RAD51B: variants seen among roughly 807,000 people sequenced by gnomAD.
RAD51B encodes DNA repair protein RAD51 homolog 2.
RAD51B carries 38 observed loss-of-function variants against 42.2 expected under a neutral mutation model. The observed-to-expected ratio is 0.90, with a 90% CI of 0.70 to 1.18. The LOEUF is 1.18. Among genes scored for constraint, RAD51B ranks in the 50% most tolerant of loss-of-function variants. The pLI is 0.00. For synonymous variants in RAD51B, 154 were observed against 145.2 expected, an observed-to-expected ratio of 1.06 and a Z score of -0.43; for missense variants, 373 against 400.7, an observed-to-expected ratio of 0.93 and a Z score of 0.59.
At chr14:67,999,589 A>G (rs1458473133) in intron 7 of RAD51B, among the ~76,000 whole-genome samples, 6 of 152,220 alleles carry the variant, frequency 3.9e-5, no homozygotes, top group Non-Finnish European at 8.8e-5. Context: ...TTACTATTGT[A>G]TTATGCAACC....
At chr14:68,417,413 A>AATG (rs2084588770) in intron 9 of RAD51B, among the ~76,000 whole-genome samples, 1 of 152,184 alleles carries the variant, frequency 6.6e-6, no homozygotes, top group South Asian at 2.1e-4. Context: ...CTTGGGTATA[A>AATG]ATGTCTCCTC....
intron 7 of RAD51B, among the ~76,000 whole-genome samples, chr14:68,283,443 C>A (rs2081357591): frequency 6.6e-6 from 1 of 152,236 alleles, no homozygotes; most frequent in African/African-American, 2.4e-5. Flanking sequence ...GCCTTGTTCT[C>A]TTCCAGGTTC....
chr14:68,344,196 A>T (rs941397340), intron 8 of RAD51B, among the ~76,000 whole-genome samples: 3 of 152,230 alleles, frequency 2.0e-5, no homozygotes, highest in Non-Finnish European at 2.9e-5. Context: ...GGCAGCTTGT[A>T]TCCTGAGCTT....
At chr14:68,012,882 T>C (rs185159115) in intron 7 of RAD51B, among the ~76,000 whole-genome samples, 4 of 152,334 alleles carry the variant, frequency 2.6e-5, no homozygotes, top group Admixed American at 1.3e-4. Flanking sequence ...TTTAATTTTG[T>C]AAGTCTTTTA....
intron 7 of RAD51B, among the ~76,000 whole-genome samples, chr14:67,988,041 A>G (rs2075224941): frequency 6.6e-6 from 1 of 152,244 alleles, no homozygotes; most frequent in Admixed American, 6.5e-5. Context: ...TAAAAACCCA[A>G]TAACAACCAA....
chr14:68,522,864 T>G (rs554846619), intron 10 of RAD51B, among the ~76,000 whole-genome samples: 3 of 152,126 alleles, frequency 2.0e-5, no homozygotes, highest in Non-Finnish European at 4.4e-5. Context: ...TATTTTGCAT[T>G]GAAAATCAAG....
At chr14:68,146,090 G>T (rs2078243398) in intron 7 of RAD51B, among the ~76,000 whole-genome samples, 3 of 152,138 alleles carry the variant, frequency 2.0e-5, no homozygotes, top group African/African-American at 7.2e-5. Context: ...TTAACTAGTA[G>T]TGTGGGGAGG....
intron 4 of RAD51B, among the ~76,000 whole-genome samples, chr14:67,856,329 A>G (rs2041999542): frequency 6.6e-6 from 1 of 151,944 alleles, no homozygotes; most frequent in African/African-American, 2.4e-5. Flanking sequence ...ACAAGGCAAA[A>G]TGCAATGCAA....
At chr14:67,843,411 A>G (rs2041502523) in intron 4 of RAD51B, 1 of 151,658 alleles carries the variant, frequency 6.6e-6, no homozygotes, top group East Asian at 1.9e-4. Context: ...GTTTTTTGGA[A>G]CATTGTCAGT....
At chr14:68,536,065 A>G (rs1887599618) in intron 10 of RAD51B, among the ~76,000 whole-genome samples, 1 of 152,212 alleles carries the variant, frequency 6.6e-6, no homozygotes, top group Non-Finnish European at 1.5e-5. Context: ...GAAACTAGGA[A>G]GCAGGAAACA....
intron 7 of RAD51B, among the ~76,000 whole-genome samples, chr14:68,273,320 T>A (rs991372250): frequency 3.9e-5 from 6 of 152,190 alleles, no homozygotes; most frequent in Admixed American, 1.3e-4. Context: ...GCCAAAAGCC[T>A]ATTACTCTCA....
intron 10 of RAD51B, among the ~76,000 whole-genome samples, chr14:68,629,894 A>T (rs1380946411): frequency 6.6e-6 from 1 of 152,256 alleles, no homozygotes; most frequent in East Asian, 1.9e-4. Context: ...AACTTTGCAA[A>T]TGAAGGAACT....
chr14:68,623,274 T>C (rs941368146), intron 10 of RAD51B, among the ~76,000 whole-genome samples: 4 of 152,146 alleles, frequency 2.6e-5, no homozygotes, highest in South Asian at 2.1e-4. Flanking sequence ...GGCCCAGCTA[T>C]AAAATGCCCT....
chr14:67,979,427 C>T (rs2075051396), intron 7 of RAD51B, among the ~76,000 whole-genome samples: 1 of 152,094 alleles, frequency 6.6e-6, no homozygotes, highest in South Asian at 2.1e-4. Flanking sequence ...GCCCCCAACC[C>T]CTAATGCGTG....
At chr14:68,218,935 G>A (rs2079870410) in intron 7 of RAD51B, among the ~76,000 whole-genome samples, 2 of 152,174 alleles carry the variant, frequency 1.3e-5, no homozygotes, top group South Asian at 2.1e-4. Flanking sequence ...AGAATGGTTC[G>A]GTAAAGTACC....
rs73280462 is a variant in RAD51B at position 67,878,389 on chromosome 14, G to A, written c.453-7480G>A. Reference sequence around the variant, plus strand: ...TACACTTTGTCCATTTTTTCTTATTGATATATATAAATACTTTGTGTATTA... The same window carrying A: ...TACACTTTGTCCATTTTTTCTTATTAATATATATAAATACTTTGTGTATTA... On this transcript the variant is annotated intron_variant, in intron 5 of 10. Transcript: ENST00000471583. Among the ~76,000 whole-genome samples the A allele has an allele frequency of 7.4e-3, 1,122 of 151,782 alleles. 12 individuals carry two copies. Among genetic ancestry groups the A allele is most frequent in the African/African-American group, 0.026 (1,088 of 41,402 alleles).
At chr14:68,514,124 C>G (rs1225456103) in intron 10 of RAD51B, among the ~76,000 whole-genome samples, 2 of 152,204 alleles carry the variant, frequency 1.3e-5, no homozygotes, top group African/African-American at 4.8e-5. Flanking sequence ...GCAAGTCATT[C>G]AACGTCTCTG....
chr14:68,344,136 T>C (rs1406879966), intron 8 of RAD51B, among the ~76,000 whole-genome samples: 3 of 151,676 alleles, frequency 2.0e-5, no homozygotes, highest in Non-Finnish European at 4.4e-5. Flanking sequence ...CCTTGTGGAG[T>C]GATGGGAAGA....
chr14:68,046,945 GTTTTGTTTTTTGCT>G (rs1184364284), intron 7 of RAD51B, among the ~76,000 whole-genome samples: 1 of 149,174 alleles, frequency 6.7e-6, no homozygotes, highest in Non-Finnish European at 1.5e-5. Flanking sequence ...TTTTTGTTTT[GTTTTGTTTTTTGCT>G]TTTTGTTTTT....
Sources: gnomAD v4.1 joint callset for allele counts (sites outside exome capture counted in the v4.1 genomes callset) on GRCh38, gnomAD v4.1.1 for gene constraint, MANE v1.5 for transcripts, NCBI Gene and HGNC (gene_info 2026-07-23, HGNC 2026-07-21) for gene names.